KCTD1: variants seen among roughly 807,000 people sequenced by gnomAD.
KCTD1 encodes the protein BTB/POZ domain-containing protein KCTD1.
KCTD1 carries 24 observed loss-of-function variants against 66.0 expected under a neutral mutation model. The observed-to-expected ratio is 0.36, with a 90% CI of 0.26 to 0.51. KCTD1 has a LOEUF of 0.51. KCTD1 is among the 20% of genes least tolerant of loss of function. The pLI is 0.95. For missense variants in KCTD1, 943 were observed against 1,205.2 expected (o/e 0.78, Z 3.22); for synonymous variants, 511 against 517.2 (o/e 0.99, Z 0.16).
chr18:26,541,063 G>A (rs1984951799), intron 1 of KCTD1, among the ~76,000 whole-genome samples: 1 of 152,174 alleles, frequency 6.6e-6, no homozygotes, highest in Non-Finnish European at 1.5e-5. Flanking sequence ...GGGTCACTAA[G>A]AAGCTTGAGT....
intron 1 of KCTD1, among the ~76,000 whole-genome samples, chr18:26,594,777 C>CCA (rs1218534471): frequency 4.6e-5 from 7 of 152,112 alleles, no homozygotes; most frequent in African/African-American, 1.7e-4. Flanking sequence ...TGTGAGTGGG[C>CCA]CTCATCCAGT....
At chr18:26,647,237 G>A (rs1022859244) in intron 1 of KCTD1, among the ~76,000 whole-genome samples, 4 of 151,876 alleles carry the variant, frequency 2.6e-5, no homozygotes, top group Admixed American at 6.6e-5. Context: ...AGCTAGGCAC[G>A]GTGGCTCACG....
intron 1 of KCTD1, among the ~76,000 whole-genome samples, chr18:26,577,665 C>G (rs1986255916): frequency 6.6e-6 from 1 of 152,140 alleles, no homozygotes; most frequent in Non-Finnish European, 1.5e-5. Context: ...CCCTCCTCAG[C>G]CTGCTGAATG....
intron 1 of KCTD1, chr18:26,657,351 A>G (rs754241846): frequency 1.0e-6 from 1 of 985,508 alleles, no homozygotes; most frequent in Non-Finnish European, 1.2e-6. Context: ...CCAAACCGTC[A>G]GATCTTACCT....
At chr18:26,616,044 C>A (rs1298114653) in intron 1 of KCTD1, among the ~76,000 whole-genome samples, 1 of 152,028 alleles carries the variant, frequency 6.6e-6, no homozygotes, top group Non-Finnish European at 1.5e-5. Context: ...GCCTGCCTCA[C>A]CCTCCCAAAG....
In KCTD1 at chr18:26,547,961, C is replaced by A. The variant is rs1271583170; in HGVS notation, c.576G>T (p.Gln192His). 2 of 1,541,592 alleles carry A rather than the reference C, an allele frequency of 1.3e-6. No individual in the cohort carries two copies. The highest frequency in any genetic ancestry group is 1.4e-5 in the African/African-American group (1 of 73,044). The change falls in exon 1 of 5, where the codon CAG becomes CAT. Residue 192 changes from glutamine (Q) to histidine (H), a missense_variant. Transcript: ENST00000580059. ...IFREYLSEKA[Q>H]SPDFETMDKG... ...TGTCCATGGTCTCGAAGTCCGGGCT[C>A]TGCGCCTTCTCGCTCAGGTACTCCC...
intron 2 of KCTD1, among the ~76,000 whole-genome samples, chr18:26,499,591 A>C (rs1982649623): frequency 6.6e-6 from 1 of 152,230 alleles, no homozygotes; most frequent in Admixed American, 6.5e-5. Context: ...TCCAACCTTC[A>C]CATTCTTTCA....
intron 1 of KCTD1, among the ~76,000 whole-genome samples, chr18:26,564,716 C>A (rs558158194): frequency 6.6e-6 from 1 of 152,014 alleles, no homozygotes; most frequent in South Asian, 2.1e-4. Flanking sequence ...ATGGTGAAAC[C>A]CTGTCTCCAC....
At chr18:26,482,989 C>A (rs925233426) in intron 2 of KCTD1, among the ~76,000 whole-genome samples, 1 of 152,192 alleles carries the variant, frequency 6.6e-6, no homozygotes, top group Non-Finnish European at 1.5e-5. Flanking sequence ...GTCTAGGCTT[C>A]CAAGCCATGG....
At chr18:26,543,247 T>A (rs1014823554) in intron 1 of KCTD1, 1 of 152,094 alleles carries the variant, frequency 6.6e-6, no homozygotes, top group Non-Finnish European at 1.5e-5. Flanking sequence ...ATATTGAAAA[T>A]CAGAAAAATA....
At chr18:26,544,931 C>G (rs191991302) in intron 1 of KCTD1, 16 of 152,224 alleles carry the variant, frequency 1.1e-4, no homozygotes, top group Non-Finnish European at 1.5e-5. Context: ...TTAGGAGTTA[C>G]CTGACAATAA....
chr18:26,508,072 AT>A (rs1983137983), intron 1 of KCTD1, among the ~76,000 whole-genome samples: 1 of 152,212 alleles, frequency 6.6e-6, no homozygotes, highest in South Asian at 2.1e-4. Flanking sequence ...AATAACACTT[AT>A]TTTTAAAGCC....
At chr18:26,605,031 T>C (rs1449803035) in intron 1 of KCTD1, among the ~76,000 whole-genome samples, 1 of 152,144 alleles carries the variant, frequency 6.6e-6, no homozygotes, top group Non-Finnish European at 1.5e-5. Context: ...TTTATCCTCC[T>C]GTCCCAAAAA....
At chr18:26,572,128 C>T (rs558230926) in intron 1 of KCTD1, among the ~76,000 whole-genome samples, 5 of 150,908 alleles carry the variant, frequency 3.3e-5, no homozygotes, top group South Asian at 2.1e-4. Flanking sequence ...GGCTCAATCT[C>T]GGTTCACTGC....
At chr18:26,613,554 T>C (rs538057198) in intron 1 of KCTD1, among the ~76,000 whole-genome samples, 1 of 152,384 alleles carries the variant, frequency 6.6e-6, no homozygotes, top group Non-Finnish European at 1.5e-5. Flanking sequence ...GGTTTCATTC[T>C]GGAGATTCAA....
At chr18:26,585,541 G>A (rs1371460046) in intron 1 of KCTD1, among the ~76,000 whole-genome samples, 2 of 152,140 alleles carry the variant, frequency 1.3e-5, no homozygotes, top group East Asian at 3.9e-4. Flanking sequence ...ACAGAGTCTG[G>A]TAAATGGTGT....
At chr18:26,639,398 T>C (rs509322) in intron 1 of KCTD1, among the ~76,000 whole-genome samples, 23,343 of 151,898 alleles carry the variant, frequency 0.15, 1,947 homozygotes, top group Non-Finnish European at 0.2. Flanking sequence ...TCCTATCTTG[T>C]AGGCAGTGGG....
At chr18:26,596,813 A>T (rs1986776243) in intron 1 of KCTD1, among the ~76,000 whole-genome samples, 1 of 152,222 alleles carries the variant, frequency 6.6e-6, no homozygotes, top group African/African-American at 2.4e-5. Flanking sequence ...ACTCTCTATA[A>T]TGTTTGTCTT....
intron 1 of KCTD1, among the ~76,000 whole-genome samples, chr18:26,573,956 A>AT (rs1598947856): frequency 6.6e-6 from 1 of 152,040 alleles, no homozygotes; most frequent in Admixed American, 6.6e-5. Context: ...AAATACCAGT[A>AT]TTGCCCCAAA....
Sources: allele counts gnomAD v4.1 joint callset (sites outside exome capture counted in the v4.1 genomes callset), GRCh38; gene constraint gnomAD v4.1.1; transcripts MANE v1.5; gene names NCBI Gene and HGNC (gene_info 2026-07-23, HGNC 2026-07-21).